BLOC1S3: variants seen among roughly 807,000 people sequenced by gnomAD.
BLOC1S3 encodes the protein biogenesis of lysosome-related organelles complex 1 subunit 3.
In BLOC1S3, 7 loss-of-function variants were observed where a neutral mutation model predicts 9.1. That is an observed-to-expected ratio of 0.77 (90% CI 0.44 to 1.45). BLOC1S3 has a LOEUF of 1.45. Ranked by LOEUF, BLOC1S3 falls within the 40% of genes most tolerant of loss-of-function variation. The pLI, the probability that BLOC1S3 is intolerant of heterozygous loss-of-function variation, is 0.01. For synonymous variants in BLOC1S3, 145 were observed against 158.4 expected, an observed-to-expected ratio of 0.92 and a Z score of 0.64; for missense variants, 307 against 315.2, an observed-to-expected ratio of 0.97 and a Z score of 0.20.
rs1038387184 is a variant in BLOC1S3, at chr19:45,179,718, C to T, written c.422C>T (p.Ala141Val). The T allele has an allele frequency of 6.9e-7, 1 of 1,459,842 alleles. No individual in the cohort carries two copies. The highest frequency in any genetic ancestry group is 1.5e-5 in the African/African-American group (1 of 67,360). The allele number at this position is 1,459,842 out of a possible 1,614,324, so 90.4% of individuals were successfully genotyped here. The change falls in exon 2 of 2, where the codon GCC becomes GTC. Residue 141 changes from alanine to valine, a missense_variant. Ala to Val is a moderately conservative substitution (Grantham distance 64). Coordinates refer to ENST00000433642, the MANE Select transcript of BLOC1S3 (RefSeq NM_212550.5). This position sits in a 1 kb window ranked among gnomAD's most constrained non-coding sequence, Gnocchi z 4.6. ...VYRRAGRDVA[A>V]LASRLAAAQA... ...CGCCGTGCAGGCCGCGACGTGGCCG[C>T]CCTGGCTAGTAGGCTGGCGGCAGCC...
downstream of BLOC1S3, among the ~76,000 whole-genome samples, chr19:45,186,720 A>G (rs1214235786): frequency 6.6e-6 from 1 of 152,080 alleles, no homozygotes; most frequent in Non-Finnish European, 1.5e-5. Context: ...CAACAACAAA[A>G]AAAAAGTGCT....
chr19:45,183,961 C>T (rs759017624), downstream of BLOC1S3, among the ~76,000 whole-genome samples: 2 of 152,052 alleles, frequency 1.3e-5, no homozygotes, highest in East Asian at 1.9e-4. Flanking sequence ...ATGAGTTTAG[C>T]GAGAGTCCCT....
downstream of BLOC1S3, among the ~76,000 whole-genome samples, chr19:45,183,105 G>A (rs1568471306): frequency 6.6e-6 from 1 of 152,150 alleles, no homozygotes; most frequent in Non-Finnish European, 1.5e-5. Flanking sequence ...CACCTAGAAT[G>A]GAGAAGTGTG....
intron 2 of BLOC1S3, among the ~76,000 whole-genome samples, chr19:45,194,932 CT>C (rs112584333): frequency 0.025 from 3,512 of 140,068 alleles, 63 homozygotes; most frequent in Admixed American, 0.056. Context: ...GTGTGTTATA[CT>C]TTTTTTTTTT....
At chr19:45,190,483 T>C (rs1969596244) in intron 2 of BLOC1S3, among the ~76,000 whole-genome samples, 1 of 151,828 alleles carries the variant, frequency 6.6e-6, no homozygotes, top group African/African-American at 2.4e-5. Context: ...TACTGCAACC[T>C]CCACCTCCTG....
chr19:45,210,581 G>A (rs966967282), intron 3 of BLOC1S3, among the ~76,000 whole-genome samples: 6 of 151,440 alleles, frequency 4.0e-5, no homozygotes, highest in African/African-American at 1.5e-4. Context: ...TTACAGGTGT[G>A]AGCCACCTCA....
downstream of BLOC1S3, among the ~76,000 whole-genome samples, chr19:45,184,301 G>A (rs1346727231): frequency 6.6e-6 from 1 of 152,102 alleles, no homozygotes; most frequent in Non-Finnish European, 1.5e-5. Flanking sequence ...GTGAAGGGGT[G>A]GGATGGTAAG....
chr19:45,180,564 T>C lies in BLOC1S3; in HGVS notation c.*659T>C, dbSNP rs1390551030. 6.6e-5 allele frequency: 11 copies of C among 166,664 alleles called. No homozygotes were observed. The East Asian group carries it at 2.1e-3, about 32-fold the overall frequency. The allele number at this position is 166,664 out of a possible 1,614,324, so 10.3% of individuals were successfully genotyped here. A position where few individuals can be genotyped will look rare whatever the true frequency, so the allele number is the denominator to read the frequency against. ...TGAGCCACCACACACTGGGCTCTGC[T>C]CTGCCTTTCTGAGTTTGGTTTCTGC... On this transcript the variant is annotated 3_prime_UTR_variant, in exon 2 of 2. Transcript: ENST00000433642.
chr19:45,185,172 T>C (rs1227916854), downstream of BLOC1S3, among the ~76,000 whole-genome samples: 1 of 152,052 alleles, frequency 6.6e-6, no homozygotes, highest in African/African-American at 2.4e-5. Context: ...TGTGGCTAGT[T>C]GCAAGTCACT....
intron 3 of BLOC1S3, among the ~76,000 whole-genome samples, chr19:45,203,000 T>A (rs1263089181): frequency 2.0e-5 from 3 of 151,998 alleles, no homozygotes; most frequent in Non-Finnish European, 4.4e-5. Context: ...CCTATCCTCC[T>A]ATGGCTGAGC....
rs995488894 is a variant in BLOC1S3, at chr19:45,180,290, T to C, written c.*385T>C. 5.0e-5 allele frequency: 8 copies of C among 160,966 alleles called. No homozygotes were observed. The highest frequency in any genetic ancestry group is 2.1e-4 in the African/African-American group (8 of 38,386). 10.0% of individuals were successfully genotyped at this position (160,966 alleles called of 1,614,324 possible). ...CAGGGTGTTTATCTGTCACCCAGGC[T>C]AGAGTGCAGTGGCGGGATTACTGCT... On this transcript the variant is annotated 3_prime_UTR_variant, in exon 2 of 2. Transcript: ENST00000433642.
chr19:45,206,927 G>A (rs578012751), intron 3 of BLOC1S3, among the ~76,000 whole-genome samples: 4 of 151,530 alleles, frequency 2.6e-5, no homozygotes, highest in East Asian at 1.9e-4. Context: ...AACCTCTGCC[G>A]CCTGGGTTCA....
intron 3 of BLOC1S3, among the ~76,000 whole-genome samples, chr19:45,207,660 C>T (rs1969738137): frequency 1.3e-5 from 2 of 151,208 alleles, no homozygotes; most frequent in South Asian, 4.2e-4. Flanking sequence ...TTGCTTGAAC[C>T]CAGGAGGTGG....
At chr19:45,214,835 G>A (rs935941648) in intron 3 of BLOC1S3, among the ~76,000 whole-genome samples, 1 of 151,972 alleles carries the variant, frequency 6.6e-6, no homozygotes, top group African/African-American at 2.4e-5. Flanking sequence ...CTTGCTAGGC[G>A]TGATATTTCA....
At chr19:45,207,828 A>G (rs1242285841) in intron 3 of BLOC1S3, among the ~76,000 whole-genome samples, 2 of 152,226 alleles carry the variant, frequency 1.3e-5, no homozygotes, top group Non-Finnish European at 2.9e-5. Context: ...GTGCACAGGT[A>G]CACATAGGAG....
intron 3 of BLOC1S3, among the ~76,000 whole-genome samples, chr19:45,209,972 CG>C (rs1568477213): frequency 6.6e-6 from 1 of 151,860 alleles, no homozygotes; most frequent in African/African-American, 2.4e-5. Context: ...CCTCGTGATC[CG>C]CCCACCTCAG....
At chr19:45,213,075 C>A (rs370326702) in intron 3 of BLOC1S3, 1 of 1,494,894 alleles carries the variant, frequency 6.7e-7, no homozygotes, top group Admixed American at 2.6e-5. Flanking sequence ...ACCCTCAGCG[C>A]TGGGCCCGAG....
At chr19:45,193,474 CGAT>C (rs1259899332) in intron 2 of BLOC1S3, among the ~76,000 whole-genome samples, 2 of 152,126 alleles carry the variant, frequency 1.3e-5, no homozygotes, top group South Asian at 2.1e-4. Flanking sequence ...TTAAGACAGT[CGAT>C]GATGTCTGTG....
chr19:45,215,343 T>C (rs1367942829), intron 3 of BLOC1S3, among the ~76,000 whole-genome samples: 3 of 151,938 alleles, frequency 2.0e-5, no homozygotes, highest in African/African-American at 7.3e-5. Context: ...TTGTGGTGCA[T>C]GCCTGTGGTC....
Sources: gnomAD v4.1 joint callset for allele counts (sites outside exome capture counted in the v4.1 genomes callset) on GRCh38, gnomAD v4.1.1 for gene constraint, Gnocchi (gnomAD v3.1) non-coding constraint, MANE v1.5 for transcripts, NCBI Gene and HGNC (gene_info 2026-07-23, HGNC 2026-07-21) for gene names.